Variants in VAT1L observed in about 807,000 individuals in gnomAD.
VAT1L encodes the protein putative NADPH-dependent quinone oxidoreductase VAT1L.
Under a neutral mutation model 44.1 loss-of-function variants are expected in VAT1L, and 34 were observed. That is an observed-to-expected ratio of 0.77 (90% CI 0.59 to 1.03). The LOEUF (loss-of-function observed/expected upper bound fraction) is 1.03. Among genes scored for constraint, VAT1L ranks in the 50% least tolerant of loss-of-function variants. The pLI is 0.00. For missense variants in VAT1L, 615 were observed against 538.8 expected, an observed-to-expected ratio of 1.14 and a Z score of -1.40; for synonymous variants, 253 against 202.2, an observed-to-expected ratio of 1.25 and a Z score of -2.13.
intron 7 of VAT1L, among the ~76,000 whole-genome samples, chr16:77,930,297 C>A (rs1276548362): frequency 2.0e-5 from 3 of 152,218 alleles, no homozygotes; most frequent in Non-Finnish European, 4.4e-5. Context: ...CACTAGGTCT[C>A]TCCCATGAGT....
At chr16:77,817,178 A>G (rs1376763480) in intron 2 of VAT1L, 128 bp downstream of exon 2, 57 of 1,376,556 alleles carry the variant, frequency 4.1e-5, no homozygotes, top group Non-Finnish European at 5.4e-5. Flanking sequence ...TCTTATTTGG[A>G]CTGTTGACAA....
chr16:77,937,507 G>A (rs2017816825), intron 7 of VAT1L, among the ~76,000 whole-genome samples: 1 of 152,202 alleles, frequency 6.6e-6, no homozygotes, highest in Admixed American at 6.5e-5. Flanking sequence ...TCCCTTTGTG[G>A]CCGAGCTGTT....
chr16:77,917,327 A>G (rs757472918), intron 7 of VAT1L, among the ~76,000 whole-genome samples: 1 of 152,180 alleles, frequency 6.6e-6, no homozygotes, highest in Non-Finnish European at 1.5e-5. Flanking sequence ...ATTATGTGGA[A>G]AGGCATAGCT....
chr16:77,977,427 G>A (rs76327913), intron 8 of VAT1L, among the ~76,000 whole-genome samples, 170 bp from the exon 9 acceptor site: 351 of 152,188 alleles, frequency 2.3e-3, no homozygotes, highest in African/African-American at 8.1e-3. Context: ...TCTCAGCACC[G>A]TCTCTCAGGG....
chr16:77,976,667 T>G (rs1237104729), intron 8 of VAT1L, among the ~76,000 whole-genome samples: 2 of 152,146 alleles, frequency 1.3e-5, no homozygotes, highest in African/African-American at 2.4e-5. Flanking sequence ...TTGTTCTGAG[T>G]CTCTGTCATA....
intron 7 of VAT1L, 38 bp from the exon 8 acceptor site, chr16:77,971,812 G>T (rs775419197): frequency 6.3e-7 from 1 of 1,597,540 alleles, no homozygotes; most frequent in African/African-American, 1.3e-5. Context: ...GGAACATCTC[G>T]CCTAACCAGC....
chr16:77,941,587 T>C (rs1051900971), intron 7 of VAT1L, among the ~76,000 whole-genome samples: 2 of 152,168 alleles, frequency 1.3e-5, no homozygotes, highest in African/African-American at 4.8e-5. Context: ...CTTTGAGAAA[T>C]TGCCACACTG....
rs760988261 is a variant in VAT1L at position 77,862,781 on chromosome 16, C to T, written c.613C>T (p.Pro205Ser). ...TGTGGCTCAGCTGTGTTCCACTGTC[C>T]CCAACGTGACTGTCTTTGGAACAGC... Reference protein sequence around the residue: ...QAVAQLCSTVPNVTVFGTAST... With the variant: ...QAVAQLCSTVSNVTVFGTAST... Residue 205 changes from proline (P) to serine (S), a missense_variant, in exon 4 of 9, where the codon CCC becomes TCC. By Grantham distance (74) the Pro-to-Ser change is moderately conservative. Transcript: ENST00000302536. 114 of 1,613,760 alleles carry T rather than the reference C, an allele frequency of 7.1e-5. No homozygotes were observed. Among genetic ancestry groups the T allele is most frequent in the Non-Finnish European group, 9.5e-5 (112 of 1,179,980 alleles).
intron 7 of VAT1L, among the ~76,000 whole-genome samples, chr16:77,958,113 G>T (rs1447321154): frequency 6.6e-6 from 1 of 151,886 alleles, no homozygotes; most frequent in Non-Finnish European, 1.5e-5. Flanking sequence ...TTGCCATGTG[G>T]GCCAGGCTGG....
chr16:77,794,159 C>A (rs1050564472), intron 1 of VAT1L, among the ~76,000 whole-genome samples: 70 of 152,194 alleles, frequency 4.6e-4, no homozygotes, highest in African/African-American at 1.6e-3. Flanking sequence ...ACACACAAAT[C>A]ATGAGAGATC....
intron 5 of VAT1L, 137 bp downstream of exon 5, chr16:77,876,610 A>G (rs1265806631): frequency 4.3e-6 from 3 of 704,336 alleles, no homozygotes; most frequent in East Asian, 5.3e-5. Context: ...AATGTTTCCT[A>G]TAATGTTTCT....
chr16:77,973,235 G>A (rs1184913253), intron 8 of VAT1L, among the ~76,000 whole-genome samples: 1 of 152,176 alleles, frequency 6.6e-6, no homozygotes, highest in Non-Finnish European at 1.5e-5. Flanking sequence ...AGATTGATAA[G>A]TTCCCAGTTA....
At position 77,788,695 on chromosome 16, in the gene VAT1L, G is replaced by A. The variant is rs2015771803; in HGVS notation, c.13G>A (p.Gly5Ser). 4 of 1,551,230 alleles carry A rather than the reference G, an allele frequency of 2.6e-6. No individual in the cohort carries two copies. The highest frequency in any genetic ancestry group is 1.2e-5 in the South Asian group (1 of 84,160). MAKE[G>S]VEKAEETEQM... ...GCCCTCGAGCGCCATGGCCAAGGAA[G>A]GCGTGGAGAAGGCGGAGGAGACGGA... is the stretch of plus-strand genomic sequence containing the variant. Residue 5 changes from glycine (G) to serine (S), a missense_variant, in exon 1 of 9, where the codon GGC (glycine) becomes AGC (serine). Coordinates refer to ENST00000302536, the MANE Select transcript of VAT1L (RefSeq NM_020927.3).
chr16:77,947,649 T>C (rs1048750140), intron 7 of VAT1L, among the ~76,000 whole-genome samples: 6 of 152,164 alleles, frequency 3.9e-5, no homozygotes, highest in Admixed American at 1.3e-4. Flanking sequence ...GGACACCCAA[T>C]AGCACTGTCA....
intron 5 of VAT1L, among the ~76,000 whole-genome samples, chr16:77,877,109 T>G (rs144605681): frequency 7.3e-4 from 111 of 152,308 alleles, no homozygotes; most frequent in African/African-American, 2.6e-3. Flanking sequence ...AAGAGATGTA[T>G]GCAAAACAAC....
intron 7 of VAT1L, among the ~76,000 whole-genome samples, chr16:77,931,693 T>C (rs903591714): frequency 6.6e-6 from 1 of 152,208 alleles, no homozygotes; most frequent in Non-Finnish European, 1.5e-5. Flanking sequence ...TAATGAAGTC[T>C]GAATATGTAG....
intron 7 of VAT1L, chr16:77,892,291 T>G: frequency 3.8e-6 from 1 of 264,000 alleles, no homozygotes; most frequent in Non-Finnish European, 7.4e-6. Flanking sequence ...AAGTCCAACT[T>G]CACTATGGCA....
chr16:77,816,568 G>T (rs1216100116), intron 1 of VAT1L, among the ~76,000 whole-genome samples: 1 of 152,158 alleles, frequency 6.6e-6, no homozygotes, highest in Admixed American at 6.5e-5. Context: ...TAAGTACTAA[G>T]AACTCTGATA....
At position 77,797,642 on chromosome 16, in the gene VAT1L, G is replaced by T. The variant is rs528503121; in HGVS notation, c.233+8727G>T. On this transcript the variant is annotated intron_variant, in intron 1 of 8. Transcript: ENST00000302536. ...AGTCTCTGGAGCACTCTCATTCAAA[G>T]GAGTCAAATCCCATGCTTTGGACAC... is the stretch of plus-strand genomic sequence containing the variant. Among the ~76,000 whole-genome samples the T allele has an allele frequency of 6.9e-4, 105 of 152,254 alleles. No individual in the cohort carries two copies. In the South Asian group the frequency reaches 1.0e-2, roughly 14 times the overall value.
Sources: gnomAD v4.1 joint callset for allele counts (sites outside exome capture counted in the v4.1 genomes callset) on GRCh38, gnomAD v4.1.1 for gene constraint, MANE v1.5 for transcripts, NCBI Gene and HGNC (gene_info 2026-07-23, HGNC 2026-07-21) for gene names.